Variants in PARVA observed in about 807,000 individuals in gnomAD.
The protein encoded by PARVA is parvin alpha.
PARVA carries 25 observed loss-of-function variants against 52.6 expected under a neutral mutation model. The observed-to-expected ratio is 0.48, with a 90% CI of 0.35 to 0.66. The LOEUF is 0.66. Among genes scored for constraint, PARVA ranks in the 30% least tolerant of loss-of-function variants. The pLI is 0.01. For synonymous variants in PARVA, 185 were observed against 179.1 expected, an observed-to-expected ratio of 1.03 and a Z score of -0.26; for missense variants, 373 against 450.9, an observed-to-expected ratio of 0.83 and a Z score of 1.56.
rs1391477190 is a variant in PARVA, at chr11:12,517,665, T to C, written c.923T>C (p.Val308Ala). 1.2e-5 allele frequency: 19 copies of C among 1,606,142 alleles called. No individual in the cohort carries two copies. Among genetic ancestry groups the C allele is most frequent in the Non-Finnish European group, 1.6e-5 (19 of 1,176,190 alleles). The change falls in exon 11 of 13, where the codon GTG becomes GCG. Residue 308 changes from valine to alanine, a missense_variant. Val to Ala is a moderately conservative substitution (Grantham distance 64). Transcript: ENST00000334956. ...ATGGGGCTCCTGGAGGGCTACTTTG[T>C]GCCCCTGCACAGCTTCTTCCTGACC... ...LLMGLLEGYF[V>A]PLHSFFLTPD...
intron 1 of PARVA, among the ~76,000 whole-genome samples, chr11:12,466,329 C>T (rs544817051): frequency 1.3e-4 from 18 of 142,306 alleles, no homozygotes; most frequent in Middle Eastern, 3.8e-3. Flanking sequence ...TTTTTTGAGA[C>T]GGAGTCTTGC....
intron 12 of PARVA, among the ~76,000 whole-genome samples, chr11:12,523,580 G>A (rs185812604): frequency 6.6e-6 from 1 of 152,056 alleles, no homozygotes; most frequent in South Asian, 2.1e-4. Flanking sequence ...ACTCATTTTC[G>A]ATGGTCCTCT....
At chr11:12,425,894 A>G (rs1337152076) in intron 1 of PARVA, among the ~76,000 whole-genome samples, 1 of 152,264 alleles carries the variant, frequency 6.6e-6, no homozygotes, top group Non-Finnish European at 1.5e-5. Flanking sequence ...GACACGTTTT[A>G]TTCGCTTTAG....
intron 12 of PARVA, among the ~76,000 whole-genome samples, chr11:12,525,239 C>A (rs948619747): frequency 2.0e-5 from 3 of 152,176 alleles, no homozygotes; most frequent in African/African-American, 7.2e-5. Context: ...TATGGCCATA[C>A]AAGCTGTGAG....
intron 1 of PARVA, among the ~76,000 whole-genome samples, chr11:12,458,351 T>G (rs1006035624): frequency 7.2e-5 from 11 of 152,236 alleles, no homozygotes; most frequent in African/African-American, 2.7e-4. Flanking sequence ...GCCTGCATTT[T>G]CTCAGACCAG....
At chr11:12,525,511 G>C (rs1450976384) in intron 12 of PARVA, among the ~76,000 whole-genome samples, 1 of 152,054 alleles carries the variant, frequency 6.6e-6, no homozygotes, top group Non-Finnish European at 1.5e-5. Context: ...GCCCCTCTCT[G>C]CCTTTCTAGC....
chr11:12,460,603 C>T (rs1940763344), intron 1 of PARVA, among the ~76,000 whole-genome samples: 2 of 152,112 alleles, frequency 1.3e-5, no homozygotes, highest in African/African-American at 4.8e-5. Flanking sequence ...TCGATCCAAC[C>T]AGAACACAGC....
At chr11:12,473,016 G>GGA (rs1409862466) in intron 1 of PARVA, among the ~76,000 whole-genome samples, 1 of 152,132 alleles carries the variant, frequency 6.6e-6, no homozygotes, top group Non-Finnish European at 1.5e-5. Context: ...TCTGAGGAAG[G>GGA]TGGAATTACA....
At chr11:12,460,691 T>C (rs912690092) in intron 1 of PARVA, among the ~76,000 whole-genome samples, 1 of 152,226 alleles carries the variant, frequency 6.6e-6, no homozygotes, top group Non-Finnish European at 1.5e-5. Flanking sequence ...TAGTAGTTGA[T>C]GTGGCACTTT....
intron 12 of PARVA, among the ~76,000 whole-genome samples, chr11:12,522,249 A>C (rs1219928346): frequency 1.3e-5 from 2 of 152,128 alleles, no homozygotes. Context: ...ATGACAATAA[A>C]AAAGACTGAA....
chr11:12,504,209 T>C (rs1338280060), intron 5 of PARVA, 105 bp from the exon 6 acceptor site: 3 of 668,060 alleles, frequency 4.5e-6, no homozygotes, highest in African/African-American at 1.8e-5. Flanking sequence ...CAGGGACAAA[T>C]ATCCAAACTC....
intron 1 of PARVA, among the ~76,000 whole-genome samples, chr11:12,438,562 A>G (rs1940420604): frequency 6.6e-6 from 1 of 152,170 alleles, no homozygotes; most frequent in African/African-American, 2.4e-5. Context: ...TACTGTTACA[A>G]TGGCATTTAA....
At chr11:12,450,950 C>T (rs1366977616) in intron 1 of PARVA, among the ~76,000 whole-genome samples, 1 of 152,158 alleles carries the variant, frequency 6.6e-6, no homozygotes, top group Non-Finnish European at 1.5e-5. Context: ...TCCACTAACT[C>T]AAAATGTTAA....
chr11:12,423,752 G>T (rs1940187118), intron 1 of PARVA, among the ~76,000 whole-genome samples: 1 of 152,062 alleles, frequency 6.6e-6, no homozygotes, highest in South Asian at 2.1e-4. Flanking sequence ...TCTTAGTTTT[G>T]TTTTGTTTGC....
intron 1 of PARVA, among the ~76,000 whole-genome samples, chr11:12,440,124 G>A (rs1940443120): frequency 6.6e-6 from 1 of 152,154 alleles, no homozygotes; most frequent in Non-Finnish European, 1.5e-5. Context: ...AACAATTCTT[G>A]ACCATTGTAT....
At chr11:12,500,181 G>A (rs149475023) in intron 5 of PARVA, among the ~76,000 whole-genome samples, 121 of 152,240 alleles carry the variant, frequency 7.9e-4, no homozygotes, top group African/African-American at 2.8e-3. Flanking sequence ...ACCACAGGAC[G>A]TGTTTGGAAG....
At chr11:12,496,769 A>G (rs1034056540) in intron 5 of PARVA, among the ~76,000 whole-genome samples, 171 bp downstream of exon 5, 2 of 152,174 alleles carry the variant, frequency 1.3e-5, no homozygotes, top group East Asian at 3.9e-4. Flanking sequence ...AGTTCCATCC[A>G]TACCCTTGGG....
At chr11:12,401,621 G>T (rs370898128) in intron 1 of PARVA, among the ~76,000 whole-genome samples, 178 of 152,316 alleles carry the variant, frequency 1.2e-3, no homozygotes, top group African/African-American at 4.2e-3. Flanking sequence ...TATCTGTGAA[G>T]TGGGAATGAT....
chr11:12,448,392 T>C (rs1940575786), intron 1 of PARVA, among the ~76,000 whole-genome samples: 1 of 152,146 alleles, frequency 6.6e-6, no homozygotes. Context: ...CAAGGGCAGA[T>C]GAGTGCGGCA....
Sources: gnomAD v4.1 joint callset for allele counts (sites outside exome capture counted in the v4.1 genomes callset) on GRCh38, gnomAD v4.1.1 for gene constraint, MANE v1.5 for transcripts, NCBI Gene and HGNC (gene_info 2026-07-23, HGNC 2026-07-21) for gene names.